The following SLC26A4 variants were observed in gnomAD, a reference collection of about 807,000 sequenced individuals.
SLC26A4 encodes the protein pendrin.
In SLC26A4, 93 loss-of-function variants were observed where a neutral mutation model predicts 90.4. The ratio of observed to expected loss-of-function variants is 1.03; its 90% CI spans 0.87 to 1.22. The LOEUF (loss-of-function observed/expected upper bound fraction) is 1.22, where lower values mean the gene tolerates loss of function less well. SLC26A4 is among the 50% of genes most tolerant of loss of function. The pLI, the probability that SLC26A4 is intolerant of heterozygous loss-of-function variation, is 0.00. For missense variants in SLC26A4, 1,127 were observed against 946.2 expected (o/e 1.19, Z -2.51); for synonymous variants, 393 against 354.6 (o/e 1.11, Z -1.22).
chr7:107,712,188 T>C (rs1232886015), intron 19 of SLC26A4, among the ~76,000 whole-genome samples: 1 of 152,226 alleles, frequency 6.6e-6, no homozygotes, highest in African/African-American at 2.4e-5. Flanking sequence ...CATTGCACAC[T>C]CAACGCTGTG....
intron 4 of SLC26A4, among the ~76,000 whole-genome samples, chr7:107,672,467 A>G (rs887983408): frequency 2.0e-5 from 3 of 151,304 alleles, no homozygotes; most frequent in African/African-American, 7.3e-5. Flanking sequence ...TGCTTTTTCT[A>G]TTCACTGATG....
At chr7:107,693,745 C>G in intron 10 of SLC26A4, 1 of 993,024 alleles carries the variant, frequency 1.0e-6, no homozygotes, top group Non-Finnish European at 1.2e-6. Flanking sequence ...CCCCGTTACT[C>G]CATAGTCACT....
At chr7:107,688,931 G>A in intron 8 of SLC26A4, 122 bp from the exon 9 acceptor site, 2 of 1,014,410 alleles carry the variant, frequency 2.0e-6, no homozygotes, top group East Asian at 2.4e-5. Flanking sequence ...TGTGCTTTTT[G>A]TTCTTTTGGA....
rs10234822 is a variant in SLC26A4, at chr7:107,689,044, A to C, written c.1002-9A>C. ...TCTTCACAGCATTTTTCACTTAAAAACTCACTAGGTTTTTGCCTCCTGAAC... is the reference window on the plus strand; with the variant it reads ...TCTTCACAGCATTTTTCACTTAAAACCTCACTAGGTTTTTGCCTCCTGAAC... On this transcript the variant is annotated splice_polypyrimidine_tract_variant and intron_variant, in intron 8 of 20. Coordinates refer to ENST00000644269, the MANE Select transcript of SLC26A4 (RefSeq NM_000441.2). 1.8e-3 allele frequency: 2,860 copies of C among 1,613,190 alleles called. 45 individuals are homozygous for C. In the African/African-American group the frequency reaches 0.03, roughly 17 times the overall value.
At position 107,695,967 on chromosome 7, in the gene SLC26A4, T is replaced by C. The variant is rs751744677; in HGVS notation, c.1472T>C (p.Ile491Thr). 8 of 1,612,000 alleles carry C rather than the reference T, an allele frequency of 5.0e-6. No individual in the cohort carries two copies. In the East Asian group the frequency reaches 1.6e-4, roughly 31 times the overall value. Reference sequence around the variant, plus strand: ...GTGTTTACGTGTATAGTGTCCATCATTCTGGGGCTGGATCTCGGTTTACTA... The same window carrying C: ...GTGTTTACGTGTATAGTGTCCATCACTCTGGGGCTGGATCTCGGTTTACTA... ...IWVFTCIVSIILGLDLGLLAG... is the reference protein window; with the variant it reads ...IWVFTCIVSITLGLDLGLLAG... Residue 491 changes from isoleucine (I) to threonine (T), a missense_variant, in exon 13 of 21, where the codon ATT (isoleucine) becomes ACT (threonine). Ile to Thr is a moderately conservative substitution (Grantham distance 89). Coordinates refer to ENST00000644269, the MANE Select transcript of SLC26A4 (RefSeq NM_000441.2).
chr7:107,680,279 T>A (rs1791186180), intron 6 of SLC26A4, among the ~76,000 whole-genome samples: 1 of 105,598 alleles, frequency 9.5e-6, no homozygotes, highest in South Asian at 2.6e-4. Context: ...TATTATATAA[T>A]ATAATCTTAT....
chr7:107,691,928 G>A, intron 10 of SLC26A4: 1 of 1,286,722 alleles, frequency 7.8e-7, no homozygotes, highest in Non-Finnish European at 1.0e-6. Flanking sequence ...GTCAGCAGCA[G>A]GAACTTCTGC....
At chr7:107,705,230 T>C (rs574510981) in intron 18 of SLC26A4, among the ~76,000 whole-genome samples, 2 of 152,336 alleles carry the variant, frequency 1.3e-5, no homozygotes, top group South Asian at 4.1e-4. Flanking sequence ...AGTGCTACTC[T>C]GTTACCATCA....
intron 3 of SLC26A4, among the ~76,000 whole-genome samples, chr7:107,665,812 C>T (rs552920883): frequency 1.3e-5 from 2 of 152,226 alleles, no homozygotes; most frequent in South Asian, 4.2e-4. Flanking sequence ...TTAAATCTTG[C>T]CCAGGGTCAC....
At chr7:107,713,549 C>T (rs1792252425) in intron 20 of SLC26A4, among the ~76,000 whole-genome samples, 1 of 152,200 alleles carries the variant, frequency 6.6e-6, no homozygotes, top group Admixed American at 6.5e-5. Flanking sequence ...CTAGTTCCTT[C>T]TATTCCTTAC....
intron 18 of SLC26A4, among the ~76,000 whole-genome samples, chr7:107,709,163 C>T (rs983962365): frequency 2.0e-5 from 3 of 152,214 alleles, no homozygotes; most frequent in African/African-American, 7.2e-5. Flanking sequence ...AGGAAGAGTA[C>T]CAGAAGGTTA....
chr7:107,701,580 A>G (rs1584336759), intron 16 of SLC26A4, among the ~76,000 whole-genome samples: 1 of 152,318 alleles, frequency 6.6e-6, no homozygotes, highest in South Asian at 2.1e-4. Context: ...TCTTCTGGCC[A>G]GTGTATTTCT....
At position 107,698,130 on chromosome 7, in the gene SLC26A4, C is replaced by T; in HGVS notation, c.1614+19C>T. 1 of 1,534,572 alleles carries T rather than the reference C, an allele frequency of 6.5e-7. No homozygotes were observed. The highest frequency in any genetic ancestry group is 1.1e-5 in the South Asian group (1 of 89,510). Reference sequence around the variant, plus strand: ...CAAAAACGTAAGTACCTTTGTGAGACATTTGCTGGACTTGGGTTTACTAGC... The same window carrying T: ...CAAAAACGTAAGTACCTTTGTGAGATATTTGCTGGACTTGGGTTTACTAGC... On this transcript the variant is annotated intron_variant, in intron 14 of 20. Transcript: ENST00000644269.
chr7:107,663,314 C>A lies in SLC26A4; in HGVS notation c.183C>A (p.Ala61=). 1 of 1,614,192 alleles carries A rather than the reference C, an allele frequency of 6.2e-7. No individual in the cohort carries two copies. Among genetic ancestry groups the A allele is most frequent in the South Asian group, 1.1e-5 (1 of 91,080 alleles). Residue 61 remains alanine (A), a synonymous_variant, in exon 3 of 21, where the codon GCC becomes GCA. Transcript: ENST00000644269. ...TTGACAGTTGTTCAAGAAAGAGAGC[C>A]TTTGGTGTGCTAAAGACTCTTGTGC... The part of the protein sequence containing the change: ...AKCCSCSRKR[A]FGVLKTLVPI...
chr7:107,678,319 A>G (rs1791080801), intron 6 of SLC26A4, among the ~76,000 whole-genome samples: 1 of 152,174 alleles, frequency 6.6e-6, no homozygotes, highest in Non-Finnish European at 1.5e-5. Context: ...TAACCTACCA[A>G]GACATCTCTT....
At chr7:107,709,802 G>C (rs1792130460) in intron 18 of SLC26A4, among the ~76,000 whole-genome samples, 1 of 152,146 alleles carries the variant, frequency 6.6e-6, no homozygotes, top group Non-Finnish European at 1.5e-5. Context: ...AAAAGGAGGA[G>C]CTACAAAAAC....
intron 9 of SLC26A4, 93 bp downstream of exon 9, chr7:107,689,293 G>A: frequency 7.4e-7 from 1 of 1,350,856 alleles, no homozygotes; most frequent in East Asian, 2.3e-5. Context: ...TAAAGAAGGG[G>A]TTGGATTCTT....
chr7:107,708,813 G>A (rs1792101986), intron 18 of SLC26A4, among the ~76,000 whole-genome samples: 1 of 151,576 alleles, frequency 6.6e-6, no homozygotes, highest in South Asian at 2.1e-4. Flanking sequence ...TTGACAGTGG[G>A]TGGGGGTGGG....
At position 107,686,402 on chromosome 7, in the gene SLC26A4, C is replaced by T. The variant is rs1212646028; in HGVS notation, c.1002-2651C>T. Among the ~76,000 whole-genome samples, 219 of 74,704 alleles carry T rather than the reference C, an allele frequency of 2.9e-3. 1 individual carries two copies. Among genetic ancestry groups the T allele is most frequent in the African/African-American group, 8.5e-3 (159 of 18,756 alleles). 49.0% of individuals were successfully genotyped at this position (74,704 alleles called of 152,430 possible). On this transcript the variant is annotated intron_variant, in intron 8 of 20. Coordinates refer to ENST00000644269, the MANE Select transcript of SLC26A4 (RefSeq NM_000441.2). ...CCTTCCTTCCTTCCTTCCTCTCTCT[C>T]TTTTTTCTTTCTTTCTTTCTTTCTT...
Sources: allele counts gnomAD v4.1 joint callset (sites outside exome capture counted in the v4.1 genomes callset), GRCh38; gene constraint gnomAD v4.1.1; transcripts MANE v1.5; gene names NCBI Gene and HGNC (gene_info 2026-07-23, HGNC 2026-07-21).